Variants in EYS observed in about 807,000 individuals in gnomAD.
EYS encodes the protein EGF-like photoreceptor maintenance factor.
EYS carries 250 observed loss-of-function variants against 282.1 expected under a neutral mutation model. That is an observed-to-expected ratio of 0.89 (90% CI 0.80 to 0.98). EYS has a LOEUF of 0.98. Among genes scored for constraint, EYS ranks in the 50% least tolerant of loss-of-function variants. EYS has a pLI of 0.00. For synonymous variants in EYS, 1,355 were observed against 1,282.9 expected (o/e 1.06, Z -1.20); for missense variants, 4,016 against 3,709.0 (o/e 1.08, Z -2.15).
At chr6:64,693,932 A>C (rs73440878) in intron 22 of EYS, among the ~76,000 whole-genome samples, 29 of 152,298 alleles carry the variant, frequency 1.9e-4, no homozygotes, top group African/African-American at 7.0e-4. Context: ...TAAGTGATGA[A>C]ATGATTAAAA....
chr6:64,376,868 T>G (rs1195457702), intron 29 of EYS, among the ~76,000 whole-genome samples: 3 of 152,194 alleles, frequency 2.0e-5, no homozygotes, highest in Admixed American at 2.0e-4. Flanking sequence ...CAGGATAGGT[T>G]TCCTCAGCTA....
At chr6:64,339,586 C>T (rs575263037) in intron 29 of EYS, among the ~76,000 whole-genome samples, 6 of 151,928 alleles carry the variant, frequency 3.9e-5, no homozygotes, top group African/African-American at 1.2e-4. Context: ...CTTTAAAGAA[C>T]GAAAAGTAGA....
chr6:64,252,434 T>C (rs538379664), intron 30 of EYS, among the ~76,000 whole-genome samples: 33 of 152,166 alleles, frequency 2.2e-4, no homozygotes, highest in Non-Finnish European at 4.4e-4. Context: ...AACAATCCAA[T>C]TGGCTTCCTT....
intron 5 of EYS, among the ~76,000 whole-genome samples, chr6:65,440,108 T>C (rs1458595822): frequency 6.6e-6 from 1 of 152,056 alleles, no homozygotes; most frequent in Non-Finnish European, 1.5e-5. Context: ...CACATAATTG[T>C]GAAAGTCAAT....
At chr6:63,833,368 G>A (rs768827753) in intron 36 of EYS, among the ~76,000 whole-genome samples, 4 of 152,158 alleles carry the variant, frequency 2.6e-5, no homozygotes, top group Non-Finnish European at 5.9e-5. Context: ...CTTCGGCAAA[G>A]TTTCAGGATA....
intron 5 of EYS, among the ~76,000 whole-genome samples, chr6:65,414,641 G>T (rs1180026215): frequency 1.3e-5 from 2 of 151,962 alleles, no homozygotes; most frequent in Admixed American, 6.6e-5. Context: ...TAAGGAAAAA[G>T]AATTTAAGGG....
intron 2 of EYS, among the ~76,000 whole-genome samples, chr6:65,608,332 A>C (rs1483281329): frequency 6.6e-6 from 1 of 152,034 alleles, no homozygotes; most frequent in East Asian, 1.9e-4. Context: ...AGTTTAAAAG[A>C]CTTAAAATGG....
chr6:65,688,766 T>A (rs1769125907), intron 1 of EYS, among the ~76,000 whole-genome samples: 1 of 151,854 alleles, frequency 6.6e-6, no homozygotes, highest in South Asian at 2.1e-4. Flanking sequence ...AAAAGACACA[T>A]GAAAAAATGC....
chr6:64,376,540 G>C (rs1223536872), intron 29 of EYS, among the ~76,000 whole-genome samples: 3 of 152,196 alleles, frequency 2.0e-5, no homozygotes, highest in African/African-American at 7.2e-5. Context: ...ATTTCTACAA[G>C]GTATGTGAGG....
intron 5 of EYS, among the ~76,000 whole-genome samples, chr6:65,483,780 C>T (rs1317418370): frequency 6.6e-6 from 1 of 152,098 alleles, no homozygotes; most frequent in African/African-American, 2.4e-5. Context: ...CCTACAGTTC[C>T]ACGTGGCTGG....
chr6:63,834,773 T>C lies in EYS; in HGVS notation c.7229-28401A>G, dbSNP rs556252393. On this transcript the variant is annotated intron_variant, in intron 36 of 42. Coordinates refer to ENST00000503581, the MANE Select transcript of EYS (RefSeq NM_001142800.2). ...CACGTGTATGTTTACTGTGGCACTA[T>C]TCACAATAGCAAAGACTTGGAACCA... 1.8e-4 allele frequency among the ~76,000 whole-genome samples: 28 copies of C among 151,942 alleles called. 1 individual carries two copies. The South Asian group carries it at 2.3e-3, about 12-fold the overall frequency.
At chr6:65,575,736 T>C (rs926796461) in intron 2 of EYS, among the ~76,000 whole-genome samples, 2 of 151,928 alleles carry the variant, frequency 1.3e-5, no homozygotes, top group African/African-American at 4.8e-5. Context: ...CTCAAATATA[T>C]GAAACCAGAA....
chr6:65,195,173 A>C (rs1307898818), intron 12 of EYS, among the ~76,000 whole-genome samples: 3 of 151,970 alleles, frequency 2.0e-5, no homozygotes, highest in Non-Finnish European at 2.9e-5. Context: ...TGGATTTTAA[A>C]ATTTCTTGAC....
intron 30 of EYS, among the ~76,000 whole-genome samples, chr6:64,246,847 T>C (rs941086581): frequency 6.6e-6 from 1 of 152,174 alleles, no homozygotes; most frequent in Non-Finnish European, 1.5e-5. Flanking sequence ...CACAAATTCA[T>C]ATTCAAATGC....
chr6:64,368,337 T>C (rs1772245876), intron 29 of EYS, among the ~76,000 whole-genome samples: 1 of 152,166 alleles, frequency 6.6e-6, no homozygotes, highest in Non-Finnish European at 1.5e-5. Context: ...CAGTCTACCA[T>C]TGACAGGCAC....
chr6:65,682,015 C>T (rs1768843342), intron 1 of EYS, among the ~76,000 whole-genome samples: 1 of 151,958 alleles, frequency 6.6e-6, no homozygotes, highest in Admixed American at 6.6e-5. Context: ...TACTTTTCCA[C>T]TAGGCTACTC....
intron 35 of EYS, among the ~76,000 whole-genome samples, chr6:63,953,736 C>T (rs1020106741): frequency 2.0e-5 from 3 of 152,158 alleles, no homozygotes; most frequent in African/African-American, 7.2e-5. Flanking sequence ...AAACTGCTCC[C>T]ATACTAGCTC....
chr6:65,157,572 T>C (rs919035277), intron 12 of EYS, among the ~76,000 whole-genome samples: 7 of 150,596 alleles, frequency 4.6e-5, no homozygotes, highest in South Asian at 2.1e-4. Context: ...TTACAATTAA[T>C]AGCATAAAAA....
chr6:64,404,052 G>T (rs113115951), intron 28 of EYS, among the ~76,000 whole-genome samples: 9 of 152,256 alleles, frequency 5.9e-5, no homozygotes, highest in Non-Finnish European at 1.3e-4. Flanking sequence ...TTTCAAGAGT[G>T]ATGGCTATTT....
Sources: allele counts gnomAD v4.1 joint callset (sites outside exome capture counted in the v4.1 genomes callset), GRCh38; gene constraint gnomAD v4.1.1; transcripts MANE v1.5; gene names NCBI Gene and HGNC (gene_info 2026-07-23, HGNC 2026-07-21).